The following DTX1 variants were observed in gnomAD, a reference collection of about 807,000 sequenced individuals.
The protein encoded by DTX1 is E3 ubiquitin-protein ligase DTX1.
In DTX1, 26 loss-of-function variants were observed where a neutral mutation model predicts 57.8. The observed-to-expected ratio is 0.45, with a 90% CI of 0.33 to 0.62. The LOEUF is 0.62. Ranked by LOEUF, DTX1 falls within the 20% of genes least tolerant of loss-of-function variation. DTX1 has a pLI of 0.02. For missense variants in DTX1, 704 were observed against 895.3 expected (o/e 0.79, Z 2.73); for synonymous variants, 398 against 394.1 (o/e 1.01, Z -0.12).
chr12:113,059,449 G>A (rs2044651951), intron 2 of DTX1, among the ~76,000 whole-genome samples: 1 of 152,254 alleles, frequency 6.6e-6, no homozygotes, highest in African/African-American at 2.4e-5. Flanking sequence ...GATGTTGATG[G>A]TTGCGTTGGT....
chr12:113,065,239 G>A (rs1028584149), intron 2 of DTX1, among the ~76,000 whole-genome samples: 5 of 152,190 alleles, frequency 3.3e-5, no homozygotes, highest in Non-Finnish European at 5.9e-5. Flanking sequence ...AGTCTGTCTG[G>A]GTTCCCTTCA....
chr12:113,058,351 G>A lies in DTX1; in HGVS notation c.159G>A (p.Lys53=). 1.2e-6 allele frequency: 2 copies of A among 1,613,272 alleles called. No homozygotes were observed. The highest frequency in any genetic ancestry group is 1.7e-6 in the Non-Finnish European group (2 of 1,180,028). ...TVCHHIENVL[K]EDARGSVVLG... ...GCCACCACATTGAGAACGTGCTGAA[G>A]GAGGACGCTCGCGGTTCCGTGGTCC... is the stretch of plus-strand genomic sequence containing the variant. Residue 53 remains lysine (K), a synonymous_variant, in exon 2 of 10, where the codon AAG becomes AAA. Transcript: ENST00000548759.
chr12:113,080,867 C>T (rs901273897), intron 3 of DTX1, among the ~76,000 whole-genome samples: 1 of 151,602 alleles, frequency 6.6e-6, no homozygotes, highest in Non-Finnish European at 1.5e-5. Flanking sequence ...CCCAGTTACT[C>T]GGAAGGCTGA....
intron 2 of DTX1, among the ~76,000 whole-genome samples, chr12:113,063,404 A>G (rs1273369931): frequency 2.0e-5 from 3 of 152,210 alleles, no homozygotes; most frequent in Non-Finnish European, 4.4e-5. Flanking sequence ...CCCAGTTCAC[A>G]CAGCTGGACA....
chr12:113,096,439 C>CAAAAAA (rs56194115), intron 9 of DTX1, among the ~76,000 whole-genome samples: 44 of 92,772 alleles, frequency 4.7e-4, no homozygotes, highest in East Asian at 1.6e-3. Context: ...GACTCTGCCT[C>CAAAAAA]AAAAAAAAAA....
At chr12:113,081,169 C>T (rs1342702299) in intron 3 of DTX1, among the ~76,000 whole-genome samples, 1 of 151,932 alleles carries the variant, frequency 6.6e-6, no homozygotes, top group Non-Finnish European at 1.5e-5. Flanking sequence ...ATGGTGAAAC[C>T]CCATCTCTAC....
Position 113,093,308 on chromosome 12 carries a change from A to T in DTX1, c.1003+85A>T. On this transcript the variant is annotated intron_variant, in intron 4 of 9. Coordinates refer to ENST00000548759, the MANE Select transcript of DTX1 (RefSeq NM_004416.3). This position sits in a 1 kb window ranked among gnomAD's most constrained non-coding sequence, Gnocchi z 4.2. Reference sequence around the variant, plus strand: ...GTCACCCGGTGACCCCGCCCCCGAGATGGGCTGGTGAGCGTGGCCCGGAGG... The same window carrying T: ...GTCACCCGGTGACCCCGCCCCCGAGTTGGGCTGGTGAGCGTGGCCCGGAGG... The T allele has an allele frequency of 6.8e-7, 1 of 1,477,130 alleles. No homozygotes were observed. Among genetic ancestry groups the T allele is most frequent in the South Asian group, 1.2e-5 (1 of 81,518 alleles). The allele number at this position is 1,477,130 out of a possible 1,614,324, so 91.5% of individuals were successfully genotyped here.
chr12:113,096,063 G>A (rs766686137), intron 9 of DTX1, among the ~76,000 whole-genome samples: 5 of 152,020 alleles, frequency 3.3e-5, no homozygotes, highest in African/African-American at 7.2e-5. Flanking sequence ...AAAATTATCC[G>A]GAGTGGTGGA....
chr12:113,081,836 C>T (rs572163301), intron 3 of DTX1, among the ~76,000 whole-genome samples: 26 of 152,114 alleles, frequency 1.7e-4, no homozygotes, highest in African/African-American at 5.1e-4. Context: ...TGGAGACCAC[C>T]GGGGGATAGA....
chr12:113,089,569 C>G (rs1269611845), intron 3 of DTX1, among the ~76,000 whole-genome samples: 1 of 152,164 alleles, frequency 6.6e-6, no homozygotes, highest in East Asian at 1.9e-4. Context: ...CTCACTGACT[C>G]GGAGGAAACA....
At chr12:113,076,583 A>G (rs1354696831) in intron 2 of DTX1, among the ~76,000 whole-genome samples, 2 of 152,126 alleles carry the variant, frequency 1.3e-5, no homozygotes, top group African/African-American at 4.8e-5. Flanking sequence ...TGGGCAACAT[A>G]GGGAGACCCC....
intron 9 of DTX1, among the ~76,000 whole-genome samples, chr12:113,096,457 A>AAG (rs1555234792): frequency 3.4e-5 from 5 of 146,948 alleles, no homozygotes; most frequent in Non-Finnish European, 6.0e-5. Flanking sequence ...AAAAAAAAAA[A>AAG]AAAAAGAAAA....
intron 2 of DTX1, among the ~76,000 whole-genome samples, chr12:113,076,389 C>T (rs1284866): frequency 0.29 from 44,042 of 149,362 alleles, 6,830 homozygotes; most frequent in Middle Eastern, 0.36. Context: ...AACCTGGAGG[C>T]GGAGATTGCA....
chr12:113,074,352 G>A (rs1275850227), intron 2 of DTX1, among the ~76,000 whole-genome samples: 1 of 152,228 alleles, frequency 6.6e-6, no homozygotes, highest in Non-Finnish European at 1.5e-5. Context: ...AGAAAGAAGG[G>A]AGGAAATGAT....
At chr12:113,082,594 TC>T in intron 3 of DTX1, among the ~76,000 whole-genome samples, 1 of 151,894 alleles carries the variant, frequency 6.6e-6, no homozygotes, top group Non-Finnish European at 1.5e-5. Flanking sequence ...TGTTTCTGTG[TC>T]TTTGTTTTTT....
chr12:113,077,696 C>A lies in DTX1; in HGVS notation c.532C>A (p.Pro178Thr), dbSNP rs1299101991. ...RLRRRLDLAY[P>T]LTVGSIPKSQ... is the part of the protein sequence containing the mutation. The stretch of plus-strand genomic sequence containing the variant: ...GCGCCGCCGCCTGGACCTCGCCTAC[C>A]CGCTCACCGTGGGCTCCATCCCTAA... The change falls in exon 3 of 10, where the codon CCG (proline) becomes ACG (threonine). Residue 178 changes from proline to threonine, a missense_variant. Physicochemically the swap from Pro to Thr is conservative, Grantham distance 38. Around this residue, in one of 3 missense-constraint regions of DTX1, gnomAD observed 237 missense variants for 328.6 expected, o/e 0.72. Coordinates refer to ENST00000548759, the MANE Select transcript of DTX1 (RefSeq NM_004416.3). This position sits in a 1 kb window ranked among gnomAD's most constrained non-coding sequence, Gnocchi z 7.8. 1 of 1,549,846 alleles carries A rather than the reference C, an allele frequency of 6.5e-7. No homozygotes were observed.
At chr12:113,079,501 T>C (rs2044799675) in intron 3 of DTX1, among the ~76,000 whole-genome samples, 1 of 145,774 alleles carries the variant, frequency 6.9e-6, no homozygotes, top group Non-Finnish European at 1.5e-5. Flanking sequence ...TCGAATCCCC[T>C]CTTGGCCACT....
intron 2 of DTX1, among the ~76,000 whole-genome samples, chr12:113,070,617 A>G (rs1372101329): frequency 1.3e-5 from 2 of 152,220 alleles, no homozygotes; most frequent in African/African-American, 2.4e-5. Context: ...AGGCACCCAC[A>G]TACCCACCTC....
At chr12:113,090,957 T>C (rs1375388288) in intron 3 of DTX1, among the ~76,000 whole-genome samples, 1 of 152,240 alleles carries the variant, frequency 6.6e-6, no homozygotes, top group Non-Finnish European at 1.5e-5. Flanking sequence ...TGTGAATCAG[T>C]ACGCACGAGT....
Sources: allele counts gnomAD v4.1 joint callset (sites outside exome capture counted in the v4.1 genomes callset), GRCh38; gene constraint gnomAD v4.1.1; regional missense constraint gnomAD v4.1.1; non-coding constraint Gnocchi (gnomAD v3.1); transcripts MANE v1.5; gene names NCBI Gene and HGNC (gene_info 2026-07-23, HGNC 2026-07-21).